ZNF177: variants seen among roughly 807,000 people sequenced by gnomAD.
ZNF177 encodes the protein zinc finger protein 177.
ZNF177 carries 17 observed loss-of-function variants against 19.4 expected under a neutral mutation model. That is an observed-to-expected ratio of 0.87 (90% CI 0.60 to 1.31). The LOEUF (loss-of-function observed/expected upper bound fraction) is 1.31, where lower values mean the gene tolerates loss of function less well. Among genes scored for constraint, ZNF177 ranks in the 40% most tolerant of loss-of-function variants. The pLI, the probability that ZNF177 is intolerant of heterozygous loss-of-function variation, is 0.00. For missense variants in ZNF177, 633 were observed against 561.8 expected (o/e 1.13, Z -1.28); for synonymous variants, 220 against 188.7 (o/e 1.17, Z -1.36).
chr19:9,378,434 A>C (rs1051967490), intron 2 of ZNF177, 90 bp downstream of exon 4: 1 of 1,575,044 alleles, frequency 6.3e-7, no homozygotes, highest in African/African-American at 1.4e-5. Context: ...TTCACAGCCC[A>C]ATCTGAGCTG....
At chr19:9,376,163 G>A (rs767201169), upstream of ZNF177, among the ~76,000 whole-genome samples, 80 of 152,190 alleles carry the variant, frequency 5.3e-4, no homozygotes, top group Middle Eastern at 3.4e-3. Context: ...TAAGGAGATA[G>A]GGTCTCTGTC....
chr19:9,365,185 G>T (rs1370530632), intron 2 of ZNF177, among the ~76,000 whole-genome samples: 1 of 152,128 alleles, frequency 6.6e-6, no homozygotes, highest in East Asian at 1.9e-4. Context: ...AGTAGTTTGT[G>T]TTGTGAGAGG....
At position 9,363,384 on chromosome 19, in the gene ZNF177, A is replaced by T. The variant is rs151275340; in HGVS notation, c.-392+300A>T. The T allele has an allele frequency of 5.3e-5, 8 of 152,228 alleles. No homozygotes were observed. In the East Asian group the frequency reaches 1.5e-3, roughly 29 times the overall value. The allele number at this position is 152,228 out of a possible 1,614,324, so 9.4% of individuals were successfully genotyped here. ...TAAACGTCGTCCCCAGTAGGAGACT[A>T]TTTTTTCTCAAGAAAATGCTCTCTT... On this transcript the variant is annotated intron_variant, in intron 1 of 8. Transcript: ENST00000343499.
chr19:9,381,715 AGCACAAGCACTAACCTTATAAT>A lies in ZNF177; in HGVS notation c.1393_1414del (p.Thr465GlufsTer69), dbSNP rs746938566. The A allele has an allele frequency of 6.2e-7, 1 of 1,614,058 alleles. No homozygotes were observed. The highest frequency in any genetic ancestry group is 8.5e-7 in the Non-Finnish European group (1 of 1,179,976). ...ATGTATTCAGTGTGAAAAAGCCTTT[AGCACAAGCACTAACCTTATAAT>A]GCACAAGCGAATCCACAATGGCCAG... On this transcript the variant is annotated frameshift_variant, in exon 6 of 6. Transcript: ENST00000589262. LOFTEE classifies it low-confidence loss of function (END_TRUNC).
At chr19:9,380,791 A>G in exon 6 of ZNF177, 1 of 1,536,140 alleles carries the variant, frequency 6.5e-7, no homozygotes, top group Non-Finnish European at 8.7e-7. Context: ...TATAAAGTAT[A>G]GCAAAGTCTT....
chr19:9,378,900 T>C (rs527694789), intron 2 of ZNF177, 62 bp from the exon 5 acceptor site: 448 of 1,524,724 alleles, frequency 2.9e-4, no homozygotes, highest in Non-Finnish European at 1.9e-4. Context: ...CACCCACCAT[T>C]CTCCTGGTAC....
At chr19:9,372,090 A>G (rs1030992116), upstream of ZNF177, among the ~76,000 whole-genome samples, 6 of 152,150 alleles carry the variant, frequency 3.9e-5, no homozygotes, top group African/African-American at 7.2e-5. Context: ...GCCTTCCTCA[A>G]TTTACTTAGA....
intron 4 of ZNF177, 122 bp downstream of exon 6, chr19:9,379,741 T>C: frequency 1.7e-6 from 2 of 1,205,286 alleles, no homozygotes; most frequent in Non-Finnish European, 2.3e-6. Context: ...TGTTTCACCA[T>C]CTATTCAATC....
At chr19:9,374,264 T>C (rs1428340279), upstream of ZNF177, among the ~76,000 whole-genome samples, 1 of 152,170 alleles carries the variant, frequency 6.6e-6, no homozygotes, top group African/African-American at 2.4e-5. Flanking sequence ...GTCTCCGTTT[T>C]TATGCCAGTA....
rs2067925582 is a variant in ZNF177, at chr19:9,363,094, A to T, written c.-392+10A>T. Reference sequence around the variant, plus strand: ...AGCAGGCCAGGTCCAGGTGCGCCCCACTAGTGAGGCCGGCGGAATCGGGAG... The same window carrying T: ...AGCAGGCCAGGTCCAGGTGCGCCCCTCTAGTGAGGCCGGCGGAATCGGGAG... On this transcript the variant is annotated intron_variant, in intron 1 of 8. Coordinates refer to the ZNF177 transcript ENST00000343499. 6.6e-6 allele frequency: 1 copy of T among 152,504 alleles called. No individual in the cohort carries two copies. 9.4% of individuals were successfully genotyped at this position (152,504 alleles called of 1,614,324 possible). A position where few individuals can be genotyped will look rare whatever the true frequency, so the allele number is the denominator to read the frequency against.
chr19:9,381,907 G>C, exon 6 of ZNF177: 11 of 1,342,310 alleles, frequency 8.2e-6, no homozygotes, highest in Non-Finnish European at 1.1e-5. Context: ...TGTTATACTG[G>C]GACAAACCTT....
intron 2 of ZNF177, among the ~76,000 whole-genome samples, chr19:9,365,343 A>G (rs1376821742): frequency 6.6e-6 from 1 of 151,602 alleles, no homozygotes; most frequent in Non-Finnish European, 1.5e-5. Context: ...AGAGACATGG[A>G]GAGAAGGGGT....
At chr19:9,371,286 T>A (rs1318700173) in intron 2 of ZNF177, among the ~76,000 whole-genome samples, 4 of 152,136 alleles carry the variant, frequency 2.6e-5, no homozygotes, top group African/African-American at 7.2e-5. Flanking sequence ...ATTTTTTTTT[T>A]ATTTTAGACC....
exon 1 of ZNF177, chr19:9,363,023 C>T (rs552670891): frequency 6.6e-6 from 1 of 152,420 alleles, no homozygotes; most frequent in South Asian, 2.1e-4. Flanking sequence ...GTCGCCTCGC[C>T]ATCTCCCATA....
At chr19:9,375,321 C>CT (rs553765810), upstream of ZNF177, among the ~76,000 whole-genome samples, 3 of 152,162 alleles carry the variant, frequency 2.0e-5, no homozygotes, top group South Asian at 6.2e-4. Context: ...GTTTGTCTGG[C>CT]TTTGGTATCA....
exon 6 of ZNF177, chr19:9,381,356 G>A: frequency 6.2e-7 from 1 of 1,614,096 alleles, no homozygotes; most frequent in Non-Finnish European, 8.5e-7. Flanking sequence ...CCCTATGACT[G>A]TAAGGAATGT....
chr19:9,369,017 G>T (rs1481083484), intron 2 of ZNF177, among the ~76,000 whole-genome samples: 2 of 152,018 alleles, frequency 1.3e-5, no homozygotes, highest in African/African-American at 2.4e-5. Flanking sequence ...AGGGGCCCAT[G>T]AGATGTTTTA....
exon 6 of ZNF177, chr19:9,380,806 C>T (rs1174151650): frequency 5.2e-6 from 8 of 1,535,980 alleles, no homozygotes; most frequent in Non-Finnish European, 7.0e-6. Flanking sequence ...AGTCTTCAAC[C>T]ATCCCTCAAC....
chr19:9,381,384 T>G, exon 6 of ZNF177: 1 of 1,612,362 alleles, frequency 6.2e-7, no homozygotes, highest in Non-Finnish European at 8.5e-7. Context: ...CTTTCACTGT[T>G]CCTTCATCCC....
Sources: gnomAD v4.1 joint callset for allele counts (sites outside exome capture counted in the v4.1 genomes callset) on GRCh38, gnomAD v4.1.1 for gene constraint, MANE v1.5 for transcripts, NCBI Gene and HGNC (gene_info 2026-07-23, HGNC 2026-07-21) for gene names.